EFNA5: variants seen among roughly 807,000 people sequenced by gnomAD.
EFNA5 encodes ephrin A5.
EFNA5 carries 5 observed loss-of-function variants against 22.9 expected under a neutral mutation model. The observed-to-expected ratio is 0.22, with a 90% CI of 0.11 to 0.46. The LOEUF (loss-of-function observed/expected upper bound fraction) is 0.46, where lower values mean the gene tolerates loss of function less well. Ranked by LOEUF, EFNA5 falls within the 20% of genes least tolerant of loss-of-function variation. The probability of loss-of-function intolerance (pLI) is 0.99; values close to 1 mark genes in which losing one functional copy is unlikely to be tolerated. For missense variants in EFNA5, 237 were observed against 293.3 expected (o/e 0.81, Z 1.40); for synonymous variants, 113 against 112.2 (o/e 1.01, Z -0.04).
chr5:107,384,064 GT>G (rs1178914148), intron 4 of EFNA5, among the ~76,000 whole-genome samples: 15 of 152,156 alleles, frequency 9.9e-5, no homozygotes, highest in African/African-American at 3.4e-4. Context: ...GGTTCTCAAT[GT>G]TGGAAGATTC....
intron 1 of EFNA5, among the ~76,000 whole-genome samples, chr5:107,493,588 T>A (rs1054417627): frequency 2.0e-5 from 3 of 152,226 alleles, no homozygotes; most frequent in Non-Finnish European, 4.4e-5. Context: ...AAAACCGAAG[T>A]CTTACATTTA....
intron 1 of EFNA5, among the ~76,000 whole-genome samples, chr5:107,650,630 T>C (rs565725182): frequency 5.4e-4 from 83 of 152,360 alleles, no homozygotes; most frequent in African/African-American, 2.0e-3. Flanking sequence ...ATTGTTATTA[T>C]GTAAACCAAA....
chr5:107,572,598 GT>G (rs1748839804), intron 1 of EFNA5, among the ~76,000 whole-genome samples: 1 of 152,166 alleles, frequency 6.6e-6, no homozygotes, highest in Non-Finnish European at 1.5e-5. Context: ...TTACTATAAC[GT>G]TAACAGTAAT....
At chr5:107,489,855 A>C (rs1385859474) in intron 1 of EFNA5, among the ~76,000 whole-genome samples, 1 of 152,222 alleles carries the variant, frequency 6.6e-6, no homozygotes, top group East Asian at 1.9e-4. Flanking sequence ...TAACTGTACC[A>C]GTGTGCTAGG....
At chr5:107,520,709 T>C (rs1747577974) in intron 1 of EFNA5, among the ~76,000 whole-genome samples, 1 of 152,232 alleles carries the variant, frequency 6.6e-6, no homozygotes, top group Admixed American at 6.5e-5. Context: ...CAAACTATAA[T>C]TAGCAAGTTT....
rs1271556205 is a variant in EFNA5 at position 107,399,328 on chromosome 5, A to AC, written c.419-11558_419-11557insG. On this transcript the variant is annotated intron_variant, in intron 2 of 4. Transcript: ENST00000333274. ...AAGGAAGGAAGGAAACGGAAAGGAA[A>AC]GGAAAGGAAAGGAAAGGAAAGGAAA... is the stretch of plus-strand genomic sequence containing the variant. Among the ~76,000 whole-genome samples, 1,338 of 143,312 alleles carry AC rather than the reference A, an allele frequency of 9.3e-3. 21 individuals carry two copies. The highest frequency in any genetic ancestry group is 0.033 in the African/African-American group (1,242 of 37,554). 94.0% of individuals were successfully genotyped at this position (143,312 alleles called of 152,430 possible).
chr5:107,580,505 A>G (rs1749019286), intron 1 of EFNA5, among the ~76,000 whole-genome samples: 1 of 152,066 alleles, frequency 6.6e-6, no homozygotes, highest in Non-Finnish European at 1.5e-5. Context: ...CAGGCAGATC[A>G]TGAGGTCAGG....
chr5:107,582,647 T>C (rs1485608598), intron 1 of EFNA5, among the ~76,000 whole-genome samples: 4 of 152,254 alleles, frequency 2.6e-5, no homozygotes, highest in South Asian at 2.1e-4. Flanking sequence ...TCCTTCAAGC[T>C]AATGTTTAAA....
intron 1 of EFNA5, among the ~76,000 whole-genome samples, chr5:107,561,856 T>G (rs1245726059): frequency 6.6e-6 from 1 of 152,222 alleles, no homozygotes; most frequent in African/African-American, 2.4e-5. Context: ...GACTTTTTTT[T>G]AATGTATTTT....
intron 2 of EFNA5, among the ~76,000 whole-genome samples, chr5:107,412,212 T>C (rs1748385744): frequency 6.6e-6 from 1 of 152,180 alleles, no homozygotes; most frequent in South Asian, 2.1e-4. Flanking sequence ...TTATTCTATC[T>C]TGTGTCTCCG....
In EFNA5 at chr5:107,514,901, T is replaced by C. The variant is rs73777881; in HGVS notation, c.126-87392A>G. Reference sequence around the variant, plus strand: ...GGCATGGGAGTCCTTGATAAGGCTTTTCTTTTTAATGAAAAACAGAAAAAC... The same window carrying C: ...GGCATGGGAGTCCTTGATAAGGCTTCTCTTTTTAATGAAAAACAGAAAAAC... On this transcript the variant is annotated intron_variant, in intron 1 of 4. Transcript: ENST00000333274. Among the ~76,000 whole-genome samples the C allele has an allele frequency of 4.8e-3, 726 of 152,300 alleles. 8 individuals carry two copies. Among genetic ancestry groups the C allele is most frequent in the African/African-American group, 0.016 (682 of 41,560 alleles).
chr5:107,467,366 T>G (rs947654463), intron 1 of EFNA5, among the ~76,000 whole-genome samples: 35 of 152,202 alleles, frequency 2.3e-4, no homozygotes, highest in African/African-American at 8.4e-4. Flanking sequence ...CTAATAGGTC[T>G]TTAACACCTC....
chr5:107,469,052 T>C (rs939806722), intron 1 of EFNA5, among the ~76,000 whole-genome samples: 31 of 152,190 alleles, frequency 2.0e-4, no homozygotes, highest in East Asian at 5.8e-4. Context: ...ACTAAGTGCT[T>C]AGCATTTTGA....
At chr5:107,666,215 C>T (rs1159244721) in intron 1 of EFNA5, among the ~76,000 whole-genome samples, 1 of 151,812 alleles carries the variant, frequency 6.6e-6, no homozygotes, top group Non-Finnish European at 1.5e-5. Context: ...GTCACAGTGC[C>T]GGCATACTGG....
intron 2 of EFNA5, among the ~76,000 whole-genome samples, chr5:107,410,730 A>C (rs576260612): frequency 6.6e-6 from 1 of 152,248 alleles, no homozygotes; most frequent in South Asian, 2.1e-4. Context: ...CATCTTAATA[A>C]TTTTCTTGTT....
chr5:107,491,922 C>T (rs1394497349), intron 1 of EFNA5, among the ~76,000 whole-genome samples: 2 of 152,144 alleles, frequency 1.3e-5, no homozygotes, highest in African/African-American at 2.4e-5. Context: ...GCAACCTCCG[C>T]CTCCAGGGAT....
intron 1 of EFNA5, among the ~76,000 whole-genome samples, chr5:107,534,711 AAGG>A (rs1157999476): frequency 6.6e-6 from 1 of 152,190 alleles, no homozygotes; most frequent in Non-Finnish European, 1.5e-5. Context: ...GACCACATAT[AAGG>A]AGAACAGCAC....
intron 2 of EFNA5, among the ~76,000 whole-genome samples, chr5:107,395,611 C>T (rs1456401941): frequency 2.0e-5 from 3 of 152,156 alleles, no homozygotes; most frequent in Non-Finnish European, 4.4e-5. Flanking sequence ...AACTAGTGTT[C>T]TAACTATTCT....
At chr5:107,455,601 T>A (rs150274494) in intron 1 of EFNA5, among the ~76,000 whole-genome samples, 1 of 152,266 alleles carries the variant, frequency 6.6e-6, no homozygotes, top group Admixed American at 6.5e-5. Context: ...CCTTCAGAAG[T>A]GAGTGTTGCC....
Sources: gnomAD v4.1 joint callset for allele counts (sites outside exome capture counted in the v4.1 genomes callset) on GRCh38, gnomAD v4.1.1 for gene constraint, MANE v1.5 for transcripts, NCBI Gene and HGNC (gene_info 2026-07-23, HGNC 2026-07-21) for gene names.